NRXN3: variants seen among roughly 807,000 people sequenced by gnomAD.
NRXN3 encodes the protein neurexin III.
Under a neutral mutation model 137.6 loss-of-function variants are expected in NRXN3, and 32 were observed. The observed-to-expected ratio is 0.23, with a 90% confidence interval of 0.18 to 0.31. NRXN3 has a LOEUF of 0.31. Among genes scored for constraint, NRXN3 ranks in the 10% least tolerant of loss-of-function variants. NRXN3 has a pLI of 1.00. For missense variants in NRXN3, 1,574 were observed against 2,062.5 expected (o/e 0.76, Z 4.59); for synonymous variants, 798 against 784.5 (o/e 1.02, Z -0.29).
chr14:78,616,050 A>G (rs145671309), intron 4 of NRXN3, among the ~76,000 whole-genome samples: 1,661 of 152,308 alleles, frequency 0.011, 11 homozygotes, highest in South Asian at 0.027. Flanking sequence ...GCCATCACTC[A>G]TCACCTGCAT....
At chr14:78,868,117 A>C (rs1197889860) in intron 10 of NRXN3, among the ~76,000 whole-genome samples, 1 of 151,118 alleles carries the variant, frequency 6.6e-6, no homozygotes, top group African/African-American at 2.4e-5. Flanking sequence ...TTCTCTTATA[A>C]ATCTGTCTTT....
chr14:78,428,955 C>A (rs1177283711), intron 4 of NRXN3, among the ~76,000 whole-genome samples: 2 of 152,144 alleles, frequency 1.3e-5, no homozygotes, highest in East Asian at 3.8e-4. Context: ...ATAGCCCAAT[C>A]AACTTTGCAC....
chr14:78,437,014 A>C (rs1250510674), intron 4 of NRXN3, among the ~76,000 whole-genome samples: 1 of 152,224 alleles, frequency 6.6e-6, no homozygotes, highest in South Asian at 2.1e-4. Flanking sequence ...AGCCTTCAGC[A>C]AGTTGCTTAT....
chr14:79,544,727 T>C (rs2097303478), intron 16 of NRXN3, among the ~76,000 whole-genome samples: 1 of 152,204 alleles, frequency 6.6e-6, no homozygotes, highest in South Asian at 2.1e-4. Flanking sequence ...AATCATTGCT[T>C]AGATGAGTGG....
chr14:78,794,530 C>G (rs535275770), intron 8 of NRXN3, among the ~76,000 whole-genome samples: 24 of 151,828 alleles, frequency 1.6e-4, no homozygotes, highest in African/African-American at 5.1e-4. Context: ...CTTTTGCTAA[C>G]TTTGTGTAAT....
chr14:79,227,569 C>T (rs2071170185), intron 15 of NRXN3, among the ~76,000 whole-genome samples: 1 of 152,036 alleles, frequency 6.6e-6, no homozygotes, highest in South Asian at 2.1e-4. Flanking sequence ...TGTTATTTGT[C>T]AAGGGGTTTC....
chr14:79,727,205 T>G (rs1014890534), intron 19 of NRXN3, among the ~76,000 whole-genome samples: 1 of 152,196 alleles, frequency 6.6e-6, no homozygotes, highest in Non-Finnish European at 1.5e-5. Context: ...TGCTTTCTAC[T>G]AAGAGTTGAG....
intron 19 of NRXN3, among the ~76,000 whole-genome samples, chr14:79,797,985 A>G (rs1012567936): frequency 2.6e-5 from 4 of 151,886 alleles, no homozygotes; most frequent in African/African-American, 9.7e-5. Context: ...CTATAGTCCT[A>G]GATACCTAGG....
At chr14:78,751,648 T>C (rs1349811334) in intron 8 of NRXN3, among the ~76,000 whole-genome samples, 1 of 152,124 alleles carries the variant, frequency 6.6e-6, no homozygotes, top group East Asian at 1.9e-4. Flanking sequence ...ATTAAGAGAT[T>C]CCCACTCTTC....
intron 4 of NRXN3, among the ~76,000 whole-genome samples, chr14:78,329,314 C>T (rs185072304): frequency 3.3e-5 from 5 of 152,106 alleles, no homozygotes; most frequent in East Asian, 1.9e-4. Flanking sequence ...TTCTGCAACA[C>T]GAGGGCTTGA....
chr14:78,926,557 A>G (rs1597454044), intron 10 of NRXN3, among the ~76,000 whole-genome samples: 1 of 139,668 alleles, frequency 7.2e-6, no homozygotes, highest in Non-Finnish European at 1.5e-5. Context: ...CCTGGGCAAC[A>G]TGGTGAAACC....
At chr14:78,279,210 G>A (rs2074053737) in intron 3 of NRXN3, among the ~76,000 whole-genome samples, 1 of 152,148 alleles carries the variant, frequency 6.6e-6, no homozygotes, top group South Asian at 2.1e-4. Flanking sequence ...AAAGCAGGAT[G>A]GTTTGAATAA....
intron 16 of NRXN3, among the ~76,000 whole-genome samples, chr14:79,572,173 TAC>T: frequency 6.6e-6 from 1 of 152,218 alleles, no homozygotes; most frequent in East Asian, 1.9e-4. Flanking sequence ...TTACCCACAC[TAC>T]ACACACAAAC....
At chr14:79,672,558 C>T (rs1252017203) in intron 17 of NRXN3, among the ~76,000 whole-genome samples, 3 of 151,996 alleles carry the variant, frequency 2.0e-5, no homozygotes, top group Non-Finnish European at 4.4e-5. Flanking sequence ...AACATACATT[C>T]TTCTGAATTA....
At chr14:79,502,501 C>T (rs546070233) in intron 16 of NRXN3, among the ~76,000 whole-genome samples, 1 of 151,990 alleles carries the variant, frequency 6.6e-6, no homozygotes, top group South Asian at 2.1e-4. Flanking sequence ...CATTCATATT[C>T]TCTCTCTCGC....
intron 15 of NRXN3, among the ~76,000 whole-genome samples, chr14:79,096,602 T>C (rs2050383302): frequency 6.9e-5 from 1 of 14,572 alleles, no homozygotes; most frequent in Non-Finnish European, 3.5e-4. Context: ...AGATAATGTG[T>C]AAAAATAAAA....
intron 17 of NRXN3, among the ~76,000 whole-genome samples, chr14:79,683,082 G>A (rs1208078131): frequency 2.0e-5 from 3 of 152,136 alleles, no homozygotes; most frequent in Non-Finnish European, 2.9e-5. Context: ...AATAACATTA[G>A]AAGTGCTTAA....
intron 4 of NRXN3, among the ~76,000 whole-genome samples, chr14:78,541,962 A>T (rs995431551): frequency 2.0e-5 from 3 of 152,072 alleles, no homozygotes; most frequent in African/African-American, 7.2e-5. Context: ...GCAGAACAGC[A>T]AATATTGCAG....
At chr14:78,899,600 C>A (rs1440790578) in intron 10 of NRXN3, among the ~76,000 whole-genome samples, 2 of 151,942 alleles carry the variant, frequency 1.3e-5, no homozygotes, top group African/African-American at 4.8e-5. Flanking sequence ...TTATGAATAC[C>A]TGTCATTTTA....
Sources: allele counts gnomAD v4.1 joint callset (sites outside exome capture counted in the v4.1 genomes callset), GRCh38; gene constraint gnomAD v4.1.1; transcripts MANE v1.5; gene names NCBI Gene and HGNC (gene_info 2026-07-23, HGNC 2026-07-21).